The following C13orf42 variants were observed in gnomAD, a reference collection of about 807,000 sequenced individuals.
C13orf42 encodes the protein chromosome 13 open reading frame 42.
chr13:51,112,101 A>G (rs1404467493), upstream of C13orf42, among the ~76,000 whole-genome samples: 1 of 152,242 alleles, frequency 6.6e-6, no homozygotes, highest in Non-Finnish European at 1.5e-5. Flanking sequence ...GTAGGAATCT[A>G]TTAGAATTCC....
intron 1 of C13orf42, among the ~76,000 whole-genome samples, chr13:51,108,387 G>GT (rs1332895254): frequency 6.6e-6 from 1 of 152,158 alleles, no homozygotes; most frequent in East Asian, 1.9e-4. Context: ...AAAGCATGGG[G>GT]TAACGGCATT....
At chr13:51,136,473 A>G (rs961499400) in intron 1 of C13orf42, among the ~76,000 whole-genome samples, 1 of 152,208 alleles carries the variant, frequency 6.6e-6, no homozygotes, top group Non-Finnish European at 1.5e-5. Flanking sequence ...GTGGCAGAGA[A>G]GGATTTGGAC....
At chr13:51,147,556 C>T (rs1014923640) in intron 1 of C13orf42, among the ~76,000 whole-genome samples, 2 of 152,070 alleles carry the variant, frequency 1.3e-5, no homozygotes, top group African/African-American at 4.8e-5. Flanking sequence ...ATAGTGGAAC[C>T]CCATCTCTAC....
At chr13:51,114,937 T>C (rs1475451672), upstream of C13orf42, among the ~76,000 whole-genome samples, 1 of 152,218 alleles carries the variant, frequency 6.6e-6, no homozygotes, top group East Asian at 1.9e-4. Context: ...ACAGATATGT[T>C]CATTTGCTTC....
chr13:51,110,321 G>T (rs2138002806), intron 1 of C13orf42, among the ~76,000 whole-genome samples: 1 of 152,192 alleles, frequency 6.6e-6, no homozygotes, highest in Admixed American at 6.5e-5. Flanking sequence ...TATAACACTG[G>T]GAAGGAATTG....
chr13:51,134,908 G>A (rs1953645655), intron 1 of C13orf42, among the ~76,000 whole-genome samples: 1 of 152,234 alleles, frequency 6.6e-6, no homozygotes, highest in Non-Finnish European at 1.5e-5. Flanking sequence ...CCTGGATGGA[G>A]CCACCAGCCG....
chr13:51,100,742 G>A (rs1331542280), intron 1 of C13orf42, among the ~76,000 whole-genome samples: 1 of 152,122 alleles, frequency 6.6e-6, no homozygotes, highest in African/African-American at 2.4e-5. Flanking sequence ...TTGGTAAAAT[G>A]TTTCTGGAAA....
At chr13:51,095,452 G>A (rs1953223269) in intron 1 of C13orf42, among the ~76,000 whole-genome samples, 2 of 151,826 alleles carry the variant, frequency 1.3e-5, no homozygotes, top group African/African-American at 4.8e-5. Flanking sequence ...CTTCTTCTCT[G>A]GGATTCCAGC....
intron 1 of C13orf42, among the ~76,000 whole-genome samples, chr13:51,121,370 G>A (rs73188247): frequency 0.14 from 21,364 of 152,044 alleles, 1,675 homozygotes; most frequent in East Asian, 0.25. Flanking sequence ...GGTTGCAAGG[G>A]TGGGGAAAGT....
chr13:51,097,778 T>C (rs1953250949), intron 1 of C13orf42, among the ~76,000 whole-genome samples: 2 of 152,132 alleles, frequency 1.3e-5, no homozygotes. Flanking sequence ...CCAGACCTTT[T>C]GGTCTTTGGA....
intron 1 of C13orf42, among the ~76,000 whole-genome samples, chr13:51,152,040 G>T (rs1019684039): frequency 6.6e-6 from 1 of 152,090 alleles, no homozygotes; most frequent in African/African-American, 2.4e-5. Flanking sequence ...AGATCCCAGG[G>T]GATTCATAGG....
upstream of C13orf42, among the ~76,000 whole-genome samples, chr13:51,112,117 T>C (rs1005057698): frequency 6.6e-5 from 10 of 152,254 alleles, no homozygotes; most frequent in African/African-American, 2.4e-4. Context: ...ATTCCAGAGA[T>C]GTTCTCTGTA....
At chr13:51,126,682 G>T (rs1167867609) in intron 1 of C13orf42, among the ~76,000 whole-genome samples, 1 of 152,212 alleles carries the variant, frequency 6.6e-6, no homozygotes, top group African/African-American at 2.4e-5. Context: ...CCTGGGCTGG[G>T]AAGTGGCTAC....
chr13:51,145,187 G>T (rs1258836639), intron 1 of C13orf42, among the ~76,000 whole-genome samples: 1 of 151,904 alleles, frequency 6.6e-6, no homozygotes, highest in Non-Finnish European at 1.5e-5. Context: ...AAACTAAGCT[G>T]TGCTTTTTTA....
intron 1 of C13orf42, among the ~76,000 whole-genome samples, chr13:51,106,826 C>T (rs2137997894): frequency 6.6e-6 from 1 of 152,316 alleles, no homozygotes; most frequent in South Asian, 2.1e-4. Context: ...ACATTATGCC[C>T]TGGGTTAGAA....
At chr13:51,148,874 G>C (rs531756357) in intron 1 of C13orf42, among the ~76,000 whole-genome samples, 8 of 152,280 alleles carry the variant, frequency 5.3e-5, no homozygotes, top group Non-Finnish European at 1.2e-4. Flanking sequence ...CCACCTCAAA[G>C]GCTCCCAGGA....
At position 51,088,093 on chromosome 13, in the gene C13orf42, G is replaced by C; in HGVS notation, c.415-18C>G. The C allele has an allele frequency of 2.5e-6, 1 of 398,772 alleles. No individual in the cohort carries two copies. Among genetic ancestry groups the C allele is most frequent in the Non-Finnish European group, 4.4e-6 (1 of 226,178 alleles). 24.7% of individuals were successfully genotyped at this position (398,772 alleles called of 1,614,324 possible). On this transcript the variant is annotated intron_variant, in intron 1 of 3. Coordinates refer to ENST00000563710, the MANE Select transcript of C13orf42 (RefSeq NM_001351589.3). ...GTTGCTTTCTGCAAGAGGTGAAGGGGAGAAGAGAGAGTTGCCTGAGCCAGT... is the reference window on the plus strand; with the variant it reads ...GTTGCTTTCTGCAAGAGGTGAAGGGCAGAAGAGAGAGTTGCCTGAGCCAGT...
chr13:51,163,835 T>C (rs1324707566), intron 1 of C13orf42, among the ~76,000 whole-genome samples: 3 of 152,056 alleles, frequency 2.0e-5, no homozygotes, highest in East Asian at 1.9e-4. Flanking sequence ...TGGGGACACA[T>C]AGAAGGATGG....
upstream of C13orf42, among the ~76,000 whole-genome samples, chr13:51,114,289 T>G (rs950528042): frequency 6.6e-6 from 1 of 152,198 alleles, no homozygotes; most frequent in African/African-American, 2.4e-5. Context: ...ACCTCTGAAC[T>G]CTGGATCTCT....
Sources: allele counts gnomAD v4.1 joint callset (sites outside exome capture counted in the v4.1 genomes callset), GRCh38; gene constraint gnomAD v4.1.1; transcripts MANE v1.5; gene names NCBI Gene and HGNC (gene_info 2026-07-23, HGNC 2026-07-21).